The following GRAMD1B variants were observed in gnomAD, a reference collection of about 807,000 sequenced individuals.
GRAMD1B encodes GRAM domain containing 1B.
A neutral mutation model predicts 99.7 loss-of-function variants in GRAMD1B; 37 were observed. That is an observed-to-expected ratio of 0.37 (90% CI 0.29 to 0.49). The LOEUF is 0.49. GRAMD1B is among the 20% of genes least tolerant of loss of function. GRAMD1B has a pLI of 0.98. For missense variants in GRAMD1B, 888 were observed against 1,009.2 expected, an observed-to-expected ratio of 0.88 and a Z score of 1.63; for synonymous variants, 427 against 387.6, an observed-to-expected ratio of 1.10 and a Z score of -1.19.
chr11:123,613,741 C>A, intron 16 of GRAMD1B, 83 bp downstream of exon 16: 1 of 929,112 alleles, frequency 1.1e-6, no homozygotes, highest in Non-Finnish European at 1.7e-6. Flanking sequence ...CACATGCACA[C>A]TCATTTTGCA....
intron 9 of GRAMD1B, among the ~76,000 whole-genome samples, 180 bp from the exon 10 acceptor site, chr11:123,605,142 G>C (rs1952537434): frequency 6.6e-6 from 1 of 152,178 alleles, no homozygotes; most frequent in South Asian, 2.1e-4. Flanking sequence ...GGGATATGAA[G>C]GAGATTTCAG....
chr11:123,574,864 A>G (rs1948552793), intron 2 of GRAMD1B, among the ~76,000 whole-genome samples: 1 of 152,122 alleles, frequency 6.6e-6, no homozygotes, highest in Non-Finnish European at 1.5e-5. Context: ...ACCTTTAGGG[A>G]AGGATTAATT....
chr11:123,379,671 T>G (rs1281490051), intron 1 of GRAMD1B, among the ~76,000 whole-genome samples: 1 of 152,266 alleles, frequency 6.6e-6, no homozygotes, highest in African/African-American at 2.4e-5. Context: ...TGTGGACATG[T>G]TTTCATTTCT....
intron 3 of GRAMD1B, among the ~76,000 whole-genome samples, chr11:123,580,180 C>T (rs1949191323): frequency 6.6e-6 from 1 of 152,200 alleles, no homozygotes; most frequent in Non-Finnish European, 1.5e-5. Flanking sequence ...AGCTGGGAGC[C>T]ATTGCATTGG....
chr11:123,528,793 C>G (rs1943060560), intron 2 of GRAMD1B, among the ~76,000 whole-genome samples: 1 of 152,038 alleles, frequency 6.6e-6, no homozygotes, highest in South Asian at 2.1e-4. Flanking sequence ...TTACTATAAC[C>G]TCATGAAGCA....
At chr11:123,604,234 G>A (rs1952395824) in intron 9 of GRAMD1B, among the ~76,000 whole-genome samples, 1 of 152,236 alleles carries the variant, frequency 6.6e-6, no homozygotes, top group African/African-American at 2.4e-5. Context: ...GCAATTATTA[G>A]TGGATAGTCA....
intron 3 of GRAMD1B, among the ~76,000 whole-genome samples, chr11:123,584,031 G>A (rs968497536): frequency 6.6e-6 from 1 of 152,038 alleles, no homozygotes; most frequent in Admixed American, 6.5e-5. Context: ...AGAACCTTGC[G>A]ATGGGGCTCC....
intron 1 of GRAMD1B, among the ~76,000 whole-genome samples, chr11:123,464,828 A>G (rs76840810): frequency 0.014 from 2,177 of 152,236 alleles, 50 homozygotes; most frequent in African/African-American, 0.049. Flanking sequence ...GGAGTGGAGG[A>G]GAGAGAACTG....
chr11:123,563,506 C>A (rs1221630491), intron 2 of GRAMD1B, among the ~76,000 whole-genome samples: 1 of 140,974 alleles, frequency 7.1e-6, no homozygotes, highest in Non-Finnish European at 1.6e-5. Context: ...AGGGTTTTTT[C>A]TTTTTTTTTT....
intron 11 of GRAMD1B, chr11:123,607,809 G>T (rs573463844): frequency 1.3e-5 from 2 of 152,256 alleles, no homozygotes; most frequent in African/African-American, 4.8e-5. Flanking sequence ...GGGACTGAGG[G>T]GTGCCAAGGG....
chr11:123,450,282 T>A (rs1376801166), intron 1 of GRAMD1B, among the ~76,000 whole-genome samples: 1 of 152,220 alleles, frequency 6.6e-6, no homozygotes, highest in Non-Finnish European at 1.5e-5. Context: ...TGCAATACTT[T>A]TTCTCGTCTT....
chr11:123,599,645 G>A (rs1168220487), intron 7 of GRAMD1B, among the ~76,000 whole-genome samples: 2 of 152,196 alleles, frequency 1.3e-5, no homozygotes, highest in Non-Finnish European at 2.9e-5. Context: ...GCTAATTTTT[G>A]TATTTTTAGT....
rs547885641 is a variant in GRAMD1B at position 123,424,146 on chromosome 11, A to G, written c.-175-56670A>G. ...TTGGCTGATTGAATGATAGTCTCCT[A>G]ATTGGTTTTTATGGTTCCCATCTGC... On this transcript the variant is annotated intron_variant, in intron 1 of 20. Coordinates refer to the GRAMD1B transcript ENST00000638157. Among the ~76,000 whole-genome samples, 3 of 152,032 alleles carry G rather than the reference A, an allele frequency of 2.0e-5. No homozygotes were observed. The East Asian group carries it at 5.8e-4, about 29-fold the overall frequency.
intron 1 of GRAMD1B, among the ~76,000 whole-genome samples, chr11:123,397,664 A>G (rs568593210): frequency 2.0e-5 from 3 of 151,974 alleles, no homozygotes; most frequent in African/African-American, 7.2e-5. Context: ...GCCACATCTG[A>G]CTAATTTTTT....
chr11:123,530,855 C>G (rs984451206), intron 2 of GRAMD1B, among the ~76,000 whole-genome samples: 1 of 152,162 alleles, frequency 6.6e-6, no homozygotes, highest in African/African-American at 2.4e-5. Flanking sequence ...ACTCCTGAAC[C>G]AGAACCCTGT....
chr11:123,375,282 G>C (rs1946654252), intron 1 of GRAMD1B, among the ~76,000 whole-genome samples: 1 of 152,146 alleles, frequency 6.6e-6, no homozygotes, highest in African/African-American at 2.4e-5. Context: ...AAATCAACCA[G>C]CGTGGTGGCT....
chr11:123,524,333 A>ATTTTATTTTATTTTC, intron 2 of GRAMD1B, among the ~76,000 whole-genome samples: 1 of 146,026 alleles, frequency 6.8e-6, no homozygotes, highest in African/African-American at 2.7e-5. Flanking sequence ...ATTTTATTTT[A>ATTTTATTTTATTTTC]TTTTATTTTA....
intron 1 of GRAMD1B, among the ~76,000 whole-genome samples, chr11:123,359,588 A>T (rs2135664064): frequency 6.6e-6 from 1 of 152,232 alleles, no homozygotes; most frequent in South Asian, 2.1e-4. Context: ...GGTAACATGA[A>T]CAAACAGCTG....
chr11:123,529,186 C>T (rs1565333921), intron 2 of GRAMD1B, among the ~76,000 whole-genome samples: 3 of 152,286 alleles, frequency 2.0e-5, no homozygotes, highest in South Asian at 2.1e-4. Flanking sequence ...CATGTGTACA[C>T]GCAAGTCAGT....
Sources: allele counts gnomAD v4.1 joint callset (sites outside exome capture counted in the v4.1 genomes callset), GRCh38; gene constraint gnomAD v4.1.1; transcripts MANE v1.5; gene names NCBI Gene and HGNC (gene_info 2026-07-23, HGNC 2026-07-21).